EYS: variants seen among roughly 807,000 people sequenced by gnomAD.
The protein encoded by EYS is EGF-like photoreceptor maintenance factor.
In EYS, 250 loss-of-function variants were observed where a neutral mutation model predicts 282.1. The ratio of observed to expected loss-of-function variants is 0.89; its 90% CI spans 0.80 to 0.98. The LOEUF (loss-of-function observed/expected upper bound fraction) is 0.98. EYS is among the 50% of genes least tolerant of loss of function. The probability of loss-of-function intolerance (pLI) is 0.00; values close to 1 mark genes in which losing one functional copy is unlikely to be tolerated. For synonymous variants in EYS, 1,355 were observed against 1,282.9 expected (o/e 1.06, Z -1.20); for missense variants, 4,016 against 3,709.0 (o/e 1.08, Z -2.15).
At chr6:64,630,044 C>A (rs1181083587) in intron 22 of EYS, among the ~76,000 whole-genome samples, 1 of 151,864 alleles carries the variant, frequency 6.6e-6, no homozygotes, top group African/African-American at 2.4e-5. Flanking sequence ...TAAAATGTAG[C>A]CTTTATTAGG....
rs138081687 is a variant in EYS, at chr6:64,003,843, A to G, written c.6726-4660T>C. 7.9e-3 allele frequency among the ~76,000 whole-genome samples: 1,198 copies of G among 152,238 alleles called. 18 individuals are homozygous for G. Among genetic ancestry groups the G allele is most frequent in the African/African-American group, 0.027 (1,142 of 41,548 alleles). On this transcript the variant is annotated intron_variant, in intron 33 of 42. Transcript: ENST00000503581. ...TTCTCATGAGATCTGATAGTTTATA[A>G]AGGGCTTTTCCCCCTCTTTGCTCTT...
chr6:64,335,764 TA>T (rs1382112944), intron 29 of EYS, among the ~76,000 whole-genome samples: 2 of 152,190 alleles, frequency 1.3e-5, no homozygotes, highest in African/African-American at 4.8e-5. Context: ...CCTATCAGAT[TA>T]ACAGCAGATT....
intron 5 of EYS, among the ~76,000 whole-genome samples, chr6:65,416,281 G>T (rs1017371924): frequency 1.3e-5 from 2 of 151,890 alleles, no homozygotes; most frequent in African/African-American, 4.8e-5. Flanking sequence ...TAAGAGTACA[G>T]TACATTTTTC....
intron 19 of EYS, among the ~76,000 whole-genome samples, chr6:64,884,991 CAA>C (rs1767044301): frequency 6.6e-6 from 1 of 151,560 alleles, no homozygotes; most frequent in South Asian, 2.1e-4. Context: ...TCCTTTGACT[CAA>C]GTGTAGAAAT....
intron 28 of EYS, among the ~76,000 whole-genome samples, chr6:64,390,224 A>G (rs1196358854): frequency 6.6e-6 from 1 of 152,168 alleles, no homozygotes; most frequent in Non-Finnish European, 1.5e-5. Flanking sequence ...CCCAGGCTTG[A>G]TTAGGTAAAC....
intron 30 of EYS, 32 bp from the exon 31 acceptor site, chr6:64,230,856 T>G: frequency 7.4e-7 from 1 of 1,344,136 alleles, no homozygotes; most frequent in Non-Finnish European, 1.0e-6. Flanking sequence ...GAAAACAAAA[T>G]ATAAGTAAAA....
At chr6:64,798,366 T>C (rs1294843192) in intron 22 of EYS, among the ~76,000 whole-genome samples, 1 of 151,920 alleles carries the variant, frequency 6.6e-6, no homozygotes, top group African/African-American at 2.4e-5. Context: ...TCAAAAAATA[T>C]GTTTAAAAAT....
At chr6:63,905,360 C>T (rs1260704530) in intron 35 of EYS, among the ~76,000 whole-genome samples, 11 of 134,774 alleles carry the variant, frequency 8.2e-5, no homozygotes, top group African/African-American at 2.6e-4. Context: ...GACGGAGTCT[C>T]GCTCTGTCAC....
intron 12 of EYS, among the ~76,000 whole-genome samples, chr6:65,060,782 G>GTATA (rs3065332): frequency 1.5e-4 from 21 of 143,844 alleles, no homozygotes; most frequent in South Asian, 6.6e-4. Context: ...ATATATATGT[G>GTATA]TATATATATA....
rs375044940 is a variant in EYS at position 64,499,083 on chromosome 6, G to A, written c.5645-59731C>T. Among the ~76,000 whole-genome samples, 11 of 152,256 alleles carry A rather than the reference G, an allele frequency of 7.2e-5. No homozygotes were observed. The East Asian group carries it at 1.9e-3, about 27-fold the overall frequency. On this transcript the variant is annotated intron_variant, in intron 26 of 42. Transcript: ENST00000503581. Reference sequence around the variant, plus strand: ...ACTAATTTACACTCCCACCAACAATGTAAAAACATTCGTATTTCTCCACAT... The same window carrying A: ...ACTAATTTACACTCCCACCAACAATATAAAAACATTCGTATTTCTCCACAT...
At chr6:65,460,837 T>C (rs913292984) in intron 5 of EYS, among the ~76,000 whole-genome samples, 2 of 152,088 alleles carry the variant, frequency 1.3e-5, no homozygotes, top group African/African-American at 4.8e-5. Context: ...GAAAAACTAT[T>C]CCATTAACAC....
chr6:65,098,853 C>T (rs1209511126), intron 12 of EYS, among the ~76,000 whole-genome samples: 2 of 150,388 alleles, frequency 1.3e-5, no homozygotes, highest in Non-Finnish European at 3.0e-5. Context: ...TTCCTATAAA[C>T]AAAAGGAAGC....
intron 12 of EYS, among the ~76,000 whole-genome samples, chr6:65,093,468 A>G (rs1774633123): frequency 6.6e-6 from 1 of 151,998 alleles, no homozygotes; most frequent in South Asian, 2.1e-4. Flanking sequence ...TAATGTATAC[A>G]CAATATAAAA....
At chr6:64,061,731 G>A (rs1319225640) in intron 33 of EYS, among the ~76,000 whole-genome samples, 2 of 152,196 alleles carry the variant, frequency 1.3e-5, no homozygotes, top group African/African-American at 4.8e-5. Context: ...GATCATGCCT[G>A]TAATCCCAGT....
chr6:64,588,135 GA>G (rs1397361499), intron 26 of EYS, among the ~76,000 whole-genome samples: 1 of 151,970 alleles, frequency 6.6e-6, no homozygotes, highest in African/African-American at 2.4e-5. Flanking sequence ...AGAAAGATCA[GA>G]AAAAAATTCA....
At chr6:64,960,611 G>A (rs992887746) in intron 14 of EYS, among the ~76,000 whole-genome samples, 3 of 152,000 alleles carry the variant, frequency 2.0e-5, no homozygotes, top group Non-Finnish European at 4.4e-5. Context: ...AAATAAATCC[G>A]TGCCATCTTA....
intron 13 of EYS, among the ~76,000 whole-genome samples, chr6:65,016,214 T>C (rs1299784592): frequency 6.6e-6 from 1 of 151,386 alleles, no homozygotes; most frequent in Non-Finnish European, 1.5e-5. Flanking sequence ...AAAAAAAAAG[T>C]ATATATATAT....
chr6:65,046,847 G>C (rs1403933427), intron 13 of EYS, among the ~76,000 whole-genome samples: 2 of 151,782 alleles, frequency 1.3e-5, no homozygotes, highest in East Asian at 3.9e-4. Flanking sequence ...GTATTATGGG[G>C]GCAGATGCCC....
At chr6:64,155,902 G>A (rs936857939) in intron 31 of EYS, among the ~76,000 whole-genome samples, 3 of 152,062 alleles carry the variant, frequency 2.0e-5, no homozygotes, top group South Asian at 2.1e-4. Context: ...TAAAATGACA[G>A]CAGAAAACAT....
Sources: gnomAD v4.1 joint callset for allele counts (sites outside exome capture counted in the v4.1 genomes callset) on GRCh38, gnomAD v4.1.1 for gene constraint, MANE v1.5 for transcripts, NCBI Gene and HGNC (gene_info 2026-07-23, HGNC 2026-07-21) for gene names.